The following IQCJ variants were observed in gnomAD, a reference collection of about 807,000 sequenced individuals.
IQCJ encodes the protein IQ domain-containing protein J.
A neutral mutation model predicts 11.0 loss-of-function variants in IQCJ; 9 were observed. The ratio of observed to expected loss-of-function variants is 0.82; its 90% CI spans 0.49 to 1.43. The LOEUF is 1.43. Ranked by LOEUF, IQCJ falls within the 40% of genes most tolerant of loss-of-function variation. The probability of loss-of-function intolerance (pLI) is 0.00; values close to 1 mark genes in which losing one functional copy is unlikely to be tolerated. For synonymous variants in IQCJ, 55 were observed against 51.3 expected (o/e 1.07, Z -0.31); for missense variants, 146 against 133.2 (o/e 1.10, Z -0.47).
intron 1 of IQCJ, among the ~76,000 whole-genome samples, chr3:159,157,318 G>A (rs1239964464): frequency 2.0e-5 from 3 of 152,056 alleles, no homozygotes; most frequent in Non-Finnish European, 4.4e-5. Flanking sequence ...TTCAACTTGC[G>A]GTCAGTCTGC....
intron 1 of IQCJ, among the ~76,000 whole-genome samples, chr3:159,106,896 G>A (rs1222418155): frequency 6.6e-6 from 1 of 152,138 alleles, no homozygotes; most frequent in African/African-American, 2.4e-5. Flanking sequence ...TAAAGCTAAT[G>A]TATATGCTTT....
intron 1 of IQCJ, among the ~76,000 whole-genome samples, chr3:159,164,185 A>G (rs1722036352): frequency 6.6e-6 from 1 of 152,182 alleles, no homozygotes; most frequent in African/African-American, 2.4e-5. Context: ...TAAATGAGTC[A>G]TGTCAAAAGG....
At chr3:159,230,200 G>A in intron 1 of IQCJ, among the ~76,000 whole-genome samples, 1 of 151,902 alleles carries the variant, frequency 6.6e-6, no homozygotes, top group Admixed American at 6.6e-5. Context: ...CTCCATCTAG[G>A]TTTCTACAAA....
At chr3:159,135,443 G>C (rs998993361) in intron 1 of IQCJ, among the ~76,000 whole-genome samples, 1 of 152,136 alleles carries the variant, frequency 6.6e-6, no homozygotes, top group Non-Finnish European at 1.5e-5. Context: ...AAACCCCAGA[G>C]GCTTAATAAA....
intron 1 of IQCJ, among the ~76,000 whole-genome samples, chr3:159,110,709 T>C (rs898273133): frequency 6.6e-6 from 1 of 152,178 alleles, no homozygotes; most frequent in Non-Finnish European, 1.5e-5. Context: ...GGGTACTCCA[T>C]GGATGATTAC....
At chr3:159,130,127 C>G (rs73027660) in intron 1 of IQCJ, among the ~76,000 whole-genome samples, 5,201 of 152,222 alleles carry the variant, frequency 0.034, 314 homozygotes, top group African/African-American at 0.12. Context: ...CTTTTCTCCA[C>G]CTCTATAATT....
intron 1 of IQCJ, among the ~76,000 whole-genome samples, chr3:159,084,117 C>T (rs1233558499): frequency 6.6e-6 from 1 of 151,808 alleles, no homozygotes; most frequent in Non-Finnish European, 1.5e-5. Flanking sequence ...TATCAATTTT[C>T]TGGTTGTGAT....
At chr3:159,210,004 A>G (rs1018031358) in intron 1 of IQCJ, among the ~76,000 whole-genome samples, 1 of 152,216 alleles carries the variant, frequency 6.6e-6, no homozygotes, top group African/African-American at 2.4e-5. Flanking sequence ...GAGGACAGAC[A>G]CAAGGCACAC....
At chr3:159,227,399 A>G (rs1725919773) in intron 1 of IQCJ, among the ~76,000 whole-genome samples, 1 of 152,024 alleles carries the variant, frequency 6.6e-6, no homozygotes, top group Non-Finnish European at 1.5e-5. Flanking sequence ...AAGCATCTTT[A>G]TTATTTTGTA....
At position 159,179,664 on chromosome 3, in the gene IQCJ, A is replaced by G. The variant is rs182705440; in HGVS notation, c.10-66179A>G. 1.4e-3 allele frequency among the ~76,000 whole-genome samples: 213 copies of G among 152,324 alleles called. 1 individual carries two copies. Among genetic ancestry groups the G allele is most frequent in the Non-Finnish European group, 2.1e-3 (145 of 68,034 alleles). The stretch of plus-strand genomic sequence containing the variant: ...GCCAGTATCAGTTTTACTTAAGCAC[A>G]TTTCTATGAAAAGAGACTGACAATA... On this transcript the variant is annotated intron_variant, in intron 1 of 3. Coordinates refer to ENST00000397832, the MANE Select transcript of IQCJ (RefSeq NM_001042706.3).
At chr3:159,088,444 G>C (rs1716966745) in intron 1 of IQCJ, among the ~76,000 whole-genome samples, 1 of 152,178 alleles carries the variant, frequency 6.6e-6, no homozygotes, top group African/African-American at 2.4e-5. Flanking sequence ...TCCACTTGGT[G>C]CAGAGCTGAG....
At chr3:159,169,449 C>A (rs1722373304) in intron 1 of IQCJ, among the ~76,000 whole-genome samples, 1 of 151,792 alleles carries the variant, frequency 6.6e-6, no homozygotes, top group Non-Finnish European at 1.5e-5. Context: ...CCACACCCAG[C>A]TAATTTTTGT....
intron 1 of IQCJ, among the ~76,000 whole-genome samples, chr3:159,128,676 C>T (rs867013775): frequency 5.3e-5 from 8 of 152,170 alleles, no homozygotes; most frequent in African/African-American, 1.9e-4. Flanking sequence ...CCAGTCCATC[C>T]TGCCTGTGTG....
chr3:159,134,191 T>A (rs2108166908), intron 1 of IQCJ, among the ~76,000 whole-genome samples: 1 of 152,224 alleles, frequency 6.6e-6, no homozygotes, highest in South Asian at 2.1e-4. Flanking sequence ...TTTTCTCCTG[T>A]GGCAGATCAC....
At chr3:159,090,026 C>T (rs540439911) in intron 1 of IQCJ, among the ~76,000 whole-genome samples, 1 of 151,758 alleles carries the variant, frequency 6.6e-6, no homozygotes, top group Non-Finnish European at 1.5e-5. Context: ...TTTTTCTGCT[C>T]GGTTTTTTCC....
chr3:159,232,666 T>C (rs1282378058), intron 1 of IQCJ, among the ~76,000 whole-genome samples: 2 of 152,136 alleles, frequency 1.3e-5, no homozygotes, highest in African/African-American at 4.8e-5. Context: ...TTAGAGTAAG[T>C]GCTATGTGGT....
At chr3:159,085,494 C>T (rs931151637) in intron 1 of IQCJ, among the ~76,000 whole-genome samples, 2 of 151,306 alleles carry the variant, frequency 1.3e-5, no homozygotes, top group Non-Finnish European at 3.0e-5. Context: ...AATCGCCACA[C>T]TGACTTCCAC....
chr3:159,077,847 T>C (rs1377490348), intron 1 of IQCJ, among the ~76,000 whole-genome samples: 1 of 152,126 alleles, frequency 6.6e-6, no homozygotes, highest in East Asian at 1.9e-4. Context: ...AAAATTCCTT[T>C]GTTCCCTTTA....
At chr3:159,222,381 T>C (rs138367738) in intron 1 of IQCJ, among the ~76,000 whole-genome samples, 32 of 152,322 alleles carry the variant, frequency 2.1e-4, no homozygotes, top group African/African-American at 7.0e-4. Flanking sequence ...TGTGACACTA[T>C]GGATGAACCT....
Sources: allele counts gnomAD v4.1 joint callset (sites outside exome capture counted in the v4.1 genomes callset), GRCh38; gene constraint gnomAD v4.1.1; transcripts MANE v1.5; gene names NCBI Gene and HGNC (gene_info 2026-07-23, HGNC 2026-07-21).